Variants in SRGAP3 observed in about 807,000 individuals in gnomAD.
SRGAP3 encodes the protein SLIT-ROBO Rho GTPase activating protein 3, also known as SLIT-ROBO Rho GTPase-activating protein 3.
Under a neutral mutation model 121.1 loss-of-function variants are expected in SRGAP3, and 39 were observed. The ratio of observed to expected loss-of-function variants is 0.32; its 90% confidence interval spans 0.25 to 0.42. The LOEUF (loss-of-function observed/expected upper bound fraction) is 0.42, where lower values mean the gene tolerates loss of function less well. Among genes scored for constraint, SRGAP3 ranks in the 10% least tolerant of loss-of-function variants. The probability of loss-of-function intolerance (pLI) is 1.00; values close to 1 mark genes in which losing one functional copy is unlikely to be tolerated. For missense variants in SRGAP3, 1,213 were observed against 1,470.6 expected (o/e 0.82, Z 2.86); for synonymous variants, 601 against 570.0 (o/e 1.05, Z -0.77).
At chr3:9,170,801 C>T (rs921532891) in intron 1 of SRGAP3, among the ~76,000 whole-genome samples, 5 of 152,226 alleles carry the variant, frequency 3.3e-5, no homozygotes, top group Non-Finnish European at 7.3e-5. Flanking sequence ...AGGCCTCGGA[C>T]GCCACAGCTC....
chr3:9,335,036 G>T (rs757854870), intron 1 of SRGAP3, among the ~76,000 whole-genome samples: 5 of 152,210 alleles, frequency 3.3e-5, no homozygotes, highest in Non-Finnish European at 5.9e-5. Context: ...TCTGCCAATT[G>T]TATCAGTTAG....
chr3:9,303,158 C>T (rs577068835), intron 3 of SRGAP3, among the ~76,000 whole-genome samples: 6 of 152,172 alleles, frequency 3.9e-5, no homozygotes, highest in African/African-American at 1.2e-4. Context: ...GGCGCGGTGG[C>T]TCATGTCTGT....
chr3:9,169,332 T>G (rs1357643783), intron 1 of SRGAP3, among the ~76,000 whole-genome samples: 2 of 152,150 alleles, frequency 1.3e-5, no homozygotes, highest in Non-Finnish European at 2.9e-5. Context: ...AGAGGCAGAT[T>G]GTAAAAACAT....
At chr3:8,992,801 G>A (rs565545456) in intron 20 of SRGAP3, 105 bp downstream of exon 20, 1 of 1,597,022 alleles carries the variant, frequency 6.3e-7, no homozygotes, top group South Asian at 1.1e-5. Flanking sequence ...GGGGAACAAG[G>A]GGCTGCAGTA....
chr3:9,014,073 C>G, intron 15 of SRGAP3: 1 of 581,948 alleles, frequency 1.7e-6, no homozygotes. Flanking sequence ...AGTCGACTCT[C>G]CGGACTTGGT....
intron 4 of SRGAP3, among the ~76,000 whole-genome samples, chr3:9,069,979 G>C (rs1946625777): frequency 6.6e-6 from 1 of 152,094 alleles, no homozygotes; most frequent in Non-Finnish European, 1.5e-5. Flanking sequence ...AAAAGAAATA[G>C]CAAGAGTGCT....
intron 1 of SRGAP3, among the ~76,000 whole-genome samples, chr3:9,341,593 G>C (rs1955789129): frequency 6.6e-6 from 1 of 152,208 alleles, no homozygotes; most frequent in Admixed American, 6.5e-5. Context: ...GCAGGGTGCA[G>C]GTCAGCACCC....
intron 5 of SRGAP3, among the ~76,000 whole-genome samples, chr3:9,063,600 A>G (rs1946283246): frequency 6.6e-6 from 1 of 152,088 alleles, no homozygotes; most frequent in Non-Finnish European, 1.5e-5. Flanking sequence ...TGGCCTCCCA[A>G]AGTGCTGATA....
chr3:9,135,644 G>T (rs1172582151), intron 1 of SRGAP3, among the ~76,000 whole-genome samples: 3 of 152,242 alleles, frequency 2.0e-5, no homozygotes, highest in Non-Finnish European at 2.9e-5. Context: ...TTTGTAAAAG[G>T]CAAGTAAGTA....
chr3:9,314,555 A>G (rs1473543208), intron 3 of SRGAP3, among the ~76,000 whole-genome samples: 1 of 152,166 alleles, frequency 6.6e-6, no homozygotes, highest in African/African-American at 2.4e-5. Context: ...AGAGCAGGGA[A>G]AAGTCCCTGC....
In SRGAP3 at chr3:9,248,956, T is replaced by G. The variant is rs759854955; in HGVS notation, c.-5A>C. The G allele has an allele frequency of 6.2e-7, 1 of 1,614,166 alleles. No homozygotes were observed. The highest frequency in any genetic ancestry group is 1.7e-5 in the Admixed American group (1 of 60,018). On this transcript the variant is annotated 5_prime_UTR_variant, in exon 1 of 22. Coordinates refer to ENST00000383836, the MANE Select transcript of SRGAP3 (RefSeq NM_014850.4). Reference sequence around the variant, plus strand: ...GAACTTAGTTTGAGATGACATCTTCTGACGTGGCCAAAGGAACTGACAGGC... The same window carrying G: ...GAACTTAGTTTGAGATGACATCTTCGGACGTGGCCAAAGGAACTGACAGGC...
At chr3:9,099,804 G>C (rs76905962) in intron 3 of SRGAP3, among the ~76,000 whole-genome samples, 1,665 of 152,302 alleles carry the variant, frequency 0.011, 36 homozygotes, top group African/African-American at 0.037. Flanking sequence ...AAAGCCTCCA[G>C]GTGATCCTGA....
chr3:9,029,258 C>A (rs551548858), intron 12 of SRGAP3, among the ~76,000 whole-genome samples: 1 of 152,294 alleles, frequency 6.6e-6, no homozygotes, highest in Non-Finnish European at 1.5e-5. Context: ...CTCATTTAAT[C>A]TTCCTCACAA....
chr3:9,032,124 A>C (rs1944515382), intron 12 of SRGAP3, among the ~76,000 whole-genome samples: 1 of 152,216 alleles, frequency 6.6e-6, no homozygotes, highest in South Asian at 2.1e-4. Flanking sequence ...CCTAACAGGA[A>C]GCAAAACTAG....
intron 14 of SRGAP3, among the ~76,000 whole-genome samples, chr3:9,018,869 C>T (rs1317957846): frequency 6.6e-6 from 1 of 152,182 alleles, no homozygotes; most frequent in Non-Finnish European, 1.5e-5. Flanking sequence ...CACCTTTTAA[C>T]CATTTTCATT....
At chr3:9,175,686 G>A (rs1951152249) in intron 1 of SRGAP3, among the ~76,000 whole-genome samples, 1 of 152,212 alleles carries the variant, frequency 6.6e-6, no homozygotes, top group African/African-American at 2.4e-5. Flanking sequence ...TTGTGGAGTT[G>A]AGCCTGTGCC....
At chr3:9,027,093 G>T (rs912686311) in intron 12 of SRGAP3, 98 bp from the exon 13 acceptor site, 17 of 1,081,502 alleles carry the variant, frequency 1.6e-5, no homozygotes, top group Non-Finnish European at 2.4e-5. Context: ...CAGAATATTA[G>T]TACCATCAGA....
In SRGAP3 at chr3:8,992,918, C is replaced by A. The variant is rs1180835692; in HGVS notation, c.2546G>T (p.Gly849Val). ...TEHISDYGFG[G>V]VMGRVRLRSD... is the part of the protein sequence containing the mutation. Reference sequence around the variant, plus strand: ...CCGCATATCCTACCGGCCCATCACCCCCCCAAAGCCGTAATCCGAGATGTG... The same window carrying A: ...CCGCATATCCTACCGGCCCATCACCACCCCAAAGCCGTAATCCGAGATGTG... Residue 849 changes from glycine (G) to valine (V), a missense_variant, in exon 20 of 22, where the codon GGG (glycine) becomes GTG (valine). Gly to Val is a moderately radical substitution (Grantham distance 109). Around this residue, in one of 2 missense-constraint regions of SRGAP3, gnomAD observed 420 missense variants for 437.7 expected, o/e 0.96. Coordinates refer to ENST00000383836, the MANE Select transcript of SRGAP3 (RefSeq NM_014850.4). 1.9e-6 allele frequency: 3 copies of A among 1,614,204 alleles called. No individual in the cohort carries two copies. The South Asian group carries it at 3.3e-5, about 18-fold the overall frequency.
intron 18 of SRGAP3, among the ~76,000 whole-genome samples, chr3:8,996,906 G>A (rs1942435093): frequency 1.3e-5 from 2 of 152,174 alleles, no homozygotes; most frequent in African/African-American, 4.8e-5. Flanking sequence ...GGGCACAGAG[G>A]GGCTGCCTCC....
Sources: allele counts gnomAD v4.1 joint callset (sites outside exome capture counted in the v4.1 genomes callset), GRCh38; gene constraint gnomAD v4.1.1; regional missense constraint gnomAD v4.1.1; transcripts MANE v1.5; gene names NCBI Gene and HGNC (gene_info 2026-07-23, HGNC 2026-07-21).